Variants in SRRM4 observed in about 807,000 individuals in gnomAD.
SRRM4 encodes the protein serine/arginine repetitive matrix 4, also known as serine/arginine repetitive matrix protein 4.
SRRM4 carries 33 observed loss-of-function variants against 68.9 expected under a neutral mutation model. That is an observed-to-expected ratio of 0.48 (90% CI 0.36 to 0.64). The LOEUF (loss-of-function observed/expected upper bound fraction) is 0.64. SRRM4 is among the 30% of genes least tolerant of loss of function. The pLI, the probability that SRRM4 is intolerant of heterozygous loss-of-function variation, is 0.00. For missense variants in SRRM4, 817 were observed against 827.1 expected (o/e 0.99, Z 0.15); for synonymous variants, 318 against 318.8 (o/e 1.00, Z 0.03).
At chr12:119,156,376 T>C in intron 12 of SRRM4, 119 bp from the exon 13 acceptor site, 3 of 1,432,070 alleles carry the variant, frequency 2.1e-6, no homozygotes, top group Non-Finnish European at 2.8e-6. Context: ...AAGGGAGTAT[T>C]TTTTCCTAAG....
At chr12:119,070,136 T>G (rs529951715) in intron 1 of SRRM4, among the ~76,000 whole-genome samples, 6 of 152,004 alleles carry the variant, frequency 3.9e-5, no homozygotes, top group Non-Finnish European at 7.4e-5. Flanking sequence ...GCAATGAATT[T>G]GAGTTTATGA....
Position 119,156,711 on chromosome 12 carries a change from C to T in SRRM4, c.1749C>T (p.Ser583=), listed in dbSNP as rs1179351159. 3 of 1,547,982 alleles carry T rather than the reference C, an allele frequency of 1.9e-6. No individual in the cohort carries two copies. Among genetic ancestry groups the T allele is most frequent in the Non-Finnish European group, 2.6e-6 (3 of 1,146,678 alleles). ...CTAGTCCGGGCTCCCGCAGCCGGAG[C>T]CGGAGCAGGAGCCGGAGCCGGAGCC... The part of the protein sequence containing the change: ...RSPSPGSRSR[S]RSRSRSRSRS... Residue 583 remains serine, a synonymous_variant, in exon 13 of 13, where the codon AGC becomes AGT. Transcript: ENST00000267260.
chr12:119,156,835 C>T lies in SRRM4; in HGVS notation c.*37C>T, dbSNP rs1454110112. The T allele has an allele frequency of 5.4e-6, 8 of 1,482,802 alleles. No homozygotes were observed. Among genetic ancestry groups the T allele is most frequent in the East Asian group, 5.0e-5 (2 of 40,318 alleles). 91.9% of individuals were successfully genotyped at this position (1,482,802 alleles called of 1,614,324 possible). ...CCAGCTGCCCGTGGGGGCCCCTTCG[C>T]GCTGCCAGCCTCCCCCAACCACCTG... On this transcript the variant is annotated 3_prime_UTR_variant, in exon 13 of 13. Coordinates refer to ENST00000267260, the MANE Select transcript of SRRM4 (RefSeq NM_194286.4).
chr12:119,050,189 A>G (rs1953733552), intron 1 of SRRM4, among the ~76,000 whole-genome samples: 1 of 152,208 alleles, frequency 6.6e-6, no homozygotes, highest in Admixed American at 6.5e-5. Context: ...TTTATTAAGC[A>G]CATACTCTGT....
At chr12:119,036,271 C>T (rs1594037285) in intron 1 of SRRM4, among the ~76,000 whole-genome samples, 1 of 152,264 alleles carries the variant, frequency 6.6e-6, no homozygotes, top group East Asian at 1.9e-4. Context: ...CTTTGCTTTC[C>T]AAAGATACCG....
rs777598790 is a variant in SRRM4 at position 118,981,890 on chromosome 12, G to C, written c.8G>C (p.Ser3Thr). 5.0e-6 allele frequency: 8 copies of C among 1,613,500 alleles called. No homozygotes were observed. In the East Asian group the frequency reaches 1.6e-4, roughly 31 times the overall value. Residue 3 changes from serine (S) to threonine (T), a missense_variant, in exon 1 of 13, where the codon AGC becomes ACC. Transcript: ENST00000267260. MA[S>T]VQQGEKQLFE... ...GGCCCCTTTGGGTTGGCGATGGCGA[G>C]CGTTCAGCAAGGCGAGAAGCAGCTT...
rs1228029145 is a variant in SRRM4, at chr12:119,053,006, A to C, written c.132-49230A>C. On this transcript the variant is annotated intron_variant, in intron 1 of 12. Transcript: ENST00000267260. ...ATAGAAGCAGAATGAAATTTCATGG[A>C]ATCTCATGGTGAGAAAGTGATTGTA... Among the ~76,000 whole-genome samples the C allele has an allele frequency of 2.6e-5, 4 of 152,212 alleles. No individual in the cohort carries two copies. In the South Asian group the frequency reaches 8.3e-4, roughly 31 times the overall value.
chr12:119,016,492 C>T (rs531845451), intron 1 of SRRM4, among the ~76,000 whole-genome samples: 1 of 151,760 alleles, frequency 6.6e-6, no homozygotes, highest in Non-Finnish European at 1.5e-5. Flanking sequence ...AAAAAATAGA[C>T]TGCTGCATTT....
chr12:119,045,309 C>T (rs1469489699), intron 1 of SRRM4, among the ~76,000 whole-genome samples: 1 of 151,314 alleles, frequency 6.6e-6, no homozygotes, highest in East Asian at 1.9e-4. Context: ...GCCCCTTCCT[C>T]ACAGCCAGCA....
rs555415622 is a variant in SRRM4 at position 119,161,974 on chromosome 12, G to A, written c.*5176G>A. The A allele has an allele frequency of 3.3e-5, 5 of 151,824 alleles. No individual in the cohort carries two copies. Among genetic ancestry groups the A allele is most frequent in the African/African-American group, 1.2e-4 (5 of 41,386 alleles). 9.4% of individuals were successfully genotyped at this position (151,824 alleles called of 1,614,324 possible). A position where few individuals can be genotyped will look rare whatever the true frequency, so the allele number is the denominator to read the frequency against. ...ATCTTCTAACGAGCCAAGCCAAAAAGACTGCAATGGTATTCCTATGTGTTT... is the reference window on the plus strand; with the variant it reads ...ATCTTCTAACGAGCCAAGCCAAAAAAACTGCAATGGTATTCCTATGTGTTT... On this transcript the variant is annotated 3_prime_UTR_variant, in exon 13 of 13. Transcript: ENST00000267260.
At chr12:119,149,218 C>T (rs554923756) in intron 9 of SRRM4, among the ~76,000 whole-genome samples, 8 of 152,238 alleles carry the variant, frequency 5.3e-5, no homozygotes, top group South Asian at 2.1e-4. Flanking sequence ...TGTGGTGGTG[C>T]GCACCTGCAG....
At chr12:119,031,482 A>G (rs1953589487) in intron 1 of SRRM4, among the ~76,000 whole-genome samples, 2 of 152,194 alleles carry the variant, frequency 1.3e-5, no homozygotes, top group African/African-American at 4.8e-5. Context: ...GAATGTGAAC[A>G]CCAGAAAGAA....
chr12:119,040,437 G>A (rs1291119986), intron 1 of SRRM4, among the ~76,000 whole-genome samples: 2 of 152,206 alleles, frequency 1.3e-5, no homozygotes, highest in African/African-American at 4.8e-5. Flanking sequence ...ATATCAGTGA[G>A]AACATATGAT....
At chr12:119,008,682 G>T (rs140451234) in intron 1 of SRRM4, among the ~76,000 whole-genome samples, 1 of 152,018 alleles carries the variant, frequency 6.6e-6, no homozygotes, top group African/African-American at 2.4e-5. Context: ...TCCAGCTCCC[G>T]GTGAGAACGC....
intron 1 of SRRM4, among the ~76,000 whole-genome samples, chr12:119,065,670 G>A (rs573922324): frequency 6.6e-6 from 1 of 152,284 alleles, no homozygotes; most frequent in African/African-American, 2.4e-5. Flanking sequence ...ATAAGGAGGA[G>A]CTTGCAGGGA....
chr12:119,027,175 C>A (rs748221204), intron 1 of SRRM4, among the ~76,000 whole-genome samples: 6 of 152,218 alleles, frequency 3.9e-5, no homozygotes, highest in Non-Finnish European at 7.3e-5. Context: ...CAAATGACAT[C>A]ATGGAGCACC....
intron 4 of SRRM4, among the ~76,000 whole-genome samples, chr12:119,117,749 T>G (rs1954190189): frequency 6.6e-6 from 1 of 152,062 alleles, no homozygotes; most frequent in African/African-American, 2.4e-5. Context: ...CAGTCTCTAC[T>G]AAAAATACAA....
chr12:119,021,243 C>T (rs1303867068), intron 1 of SRRM4, among the ~76,000 whole-genome samples: 1 of 152,060 alleles, frequency 6.6e-6, no homozygotes, highest in Admixed American at 6.5e-5. Flanking sequence ...TAAGTATATT[C>T]TAGTTTATTT....
intron 1 of SRRM4, among the ~76,000 whole-genome samples, chr12:119,070,505 T>C (rs1456796747): frequency 6.6e-6 from 1 of 152,032 alleles, no homozygotes; most frequent in African/African-American, 2.4e-5. Context: ...AGTGCCCAGA[T>C]CTCCAAATTA....
Sources: allele counts gnomAD v4.1 joint callset (sites outside exome capture counted in the v4.1 genomes callset), GRCh38; gene constraint gnomAD v4.1.1; transcripts MANE v1.5; gene names NCBI Gene and HGNC (gene_info 2026-07-23, HGNC 2026-07-21).